Variants in ZNF529 observed in about 807,000 individuals in gnomAD.
ZNF529 encodes the protein zinc finger protein 529.
Under a neutral mutation model 10.1 loss-of-function variants are expected in ZNF529, and 11 were observed. That is an observed-to-expected ratio of 1.09 (90% CI 0.69 to 1.81). ZNF529 has a LOEUF of 1.81. Ranked by LOEUF, ZNF529 falls within the 40% of genes most tolerant of loss-of-function variation. The probability of loss-of-function intolerance (pLI) is 0.00; values close to 1 mark genes in which losing one functional copy is unlikely to be tolerated. For synonymous variants in ZNF529, 204 were observed against 215.7 expected, an observed-to-expected ratio of 0.95 and a Z score of 0.47; for missense variants, 624 against 666.8, an observed-to-expected ratio of 0.94 and a Z score of 0.71.
At chr19:36,561,811 T>G (rs1020833646) in intron 2 of ZNF529, among the ~76,000 whole-genome samples, 2 of 152,254 alleles carry the variant, frequency 1.3e-5, no homozygotes, top group African/African-American at 4.8e-5. Flanking sequence ...CCAGTGTGTC[T>G]GGAACATGCG....
At chr19:36,584,257 A>T (rs539048813) in intron 2 of ZNF529, among the ~76,000 whole-genome samples, 3 of 152,172 alleles carry the variant, frequency 2.0e-5, no homozygotes, top group Non-Finnish European at 2.9e-5. Context: ...AAATAAAGAC[A>T]TTTTCAGACA....
At chr19:36,559,384 C>T (rs1419717119) in intron 2 of ZNF529, among the ~76,000 whole-genome samples, 1 of 152,264 alleles carries the variant, frequency 6.6e-6, no homozygotes, top group Non-Finnish European at 1.5e-5. Context: ...TCTCGGTTCA[C>T]TGCAACCTCC....
rs1165543671 is a variant in ZNF529, at chr19:36,546,885, C to G, written c.1673G>C (p.Gly558Ala). 3.7e-6 allele frequency: 6 copies of G among 1,609,988 alleles called. No individual in the cohort carries two copies. The African/African-American group carries it at 8.0e-5, about 22-fold the overall frequency. ...HLTCQPKIYTGEKSFD is the reference protein window; with the variant it reads ...HLTCQPKIYTAEKSFD ...TTTATTTCAGTCAAATGATTTCTCA[C>G]CAGTGTAAATTTTCGGTTGGCAAGT... The change falls in exon 5 of 5, where the codon GGT becomes GCT. Residue 558 changes from glycine (G) to alanine (A), a missense_variant. Transcript: ENST00000591340.
chr19:36,578,253 A>T (rs1440655903), upstream of ZNF529, among the ~76,000 whole-genome samples: 2 of 123,626 alleles, frequency 1.6e-5, no homozygotes, highest in East Asian at 5.2e-4. Context: ...TTTAGTAGAG[A>T]CGAGGTTTCA....
intron 2 of ZNF529, among the ~76,000 whole-genome samples, chr19:36,562,957 C>A (rs1041993896): frequency 6.6e-6 from 1 of 152,170 alleles, no homozygotes; most frequent in South Asian, 2.1e-4. Flanking sequence ...CCCTTTTGCA[C>A]GTGAGGACAC....
chr19:36,551,939 C>A (rs996716727), intron 4 of ZNF529: 6 of 152,134 alleles, frequency 3.9e-5, no homozygotes, highest in Admixed American at 3.9e-4. Context: ...CTGTATTGGT[C>A]TTGGTCACCA....
At chr19:36,554,550 C>T (rs3760826) in intron 4 of ZNF529, 120 bp downstream of exon 4, 181,506 of 852,056 alleles carry the variant, frequency 0.21, 19,541 homozygotes, top group Middle Eastern at 0.24. Context: ...TGCACTCCAA[C>T]CTGGGTGACA....
chr19:36,562,132 G>A (rs1313681998), intron 2 of ZNF529, among the ~76,000 whole-genome samples: 1 of 152,140 alleles, frequency 6.6e-6, no homozygotes, highest in African/African-American at 2.4e-5. Flanking sequence ...CAGCTACTCG[G>A]GAGGCTGAGG....
chr19:36,556,077 CAAAGA>C, intron 3 of ZNF529, 22 bp downstream of exon 3: 1 of 1,547,832 alleles, frequency 6.5e-7, no homozygotes, highest in South Asian at 1.2e-5. Context: ...GGAAATATCA[CAAAGA>C]AAAGAGAAGT....
At chr19:36,594,032 C>A (rs1249157074) in intron 1 of ZNF529, 1 of 152,168 alleles carries the variant, frequency 6.6e-6, no homozygotes, top group Non-Finnish European at 1.5e-5. Context: ...AAAGTAGGGT[C>A]CAGACAGCAA....
intron 4 of ZNF529, among the ~76,000 whole-genome samples, chr19:36,551,164 A>C (rs1036313173): frequency 2.0e-5 from 3 of 152,208 alleles, no homozygotes; most frequent in Non-Finnish European, 4.4e-5. Context: ...GCGGGAGCTA[A>C]AGTGCCACCA....
intron 1 of ZNF529, among the ~76,000 whole-genome samples, chr19:36,597,612 T>C (rs961668584): frequency 6.6e-6 from 1 of 152,196 alleles, no homozygotes; most frequent in Non-Finnish European, 1.5e-5. Flanking sequence ...TTAATACTTA[T>C]GTGCATGTCT....
chr19:36,571,664 A>C (rs2036116642), intron 2 of ZNF529, among the ~76,000 whole-genome samples: 1 of 131,610 alleles, frequency 7.6e-6, no homozygotes, highest in Admixed American at 7.7e-5. Flanking sequence ...AATAACAGTG[A>C]AACTCTGTCT....
At chr19:36,559,966 CAAAG>C (rs2035618827) in intron 2 of ZNF529, among the ~76,000 whole-genome samples, 1 of 151,950 alleles carries the variant, frequency 6.6e-6, no homozygotes, top group Admixed American at 6.6e-5. Flanking sequence ...TAAGAAAAAA[CAAAG>C]AGAAGTGGCC....
upstream of ZNF529, chr19:36,578,058 GA>G (rs2036369392): frequency 9.1e-6 from 1 of 110,470 alleles, no homozygotes; most frequent in Admixed American, 8.9e-5. Context: ...GTGTGGGGGA[GA>G]TTTTTTTTTT....
At chr19:36,591,593 C>T (rs984800751) in intron 1 of ZNF529, among the ~76,000 whole-genome samples, 6 of 150,304 alleles carry the variant, frequency 4.0e-5, no homozygotes, top group Admixed American at 2.0e-4. Flanking sequence ...TGGTGGTGGG[C>T]GCCTGCCTGT....
intron 2 of ZNF529, among the ~76,000 whole-genome samples, chr19:36,563,242 A>G (rs2035776633): frequency 6.6e-6 from 1 of 152,058 alleles, no homozygotes. Context: ...CAACACAGTG[A>G]AACCCTGTCT....
At chr19:36,576,588 G>C (rs184368288), upstream of ZNF529, among the ~76,000 whole-genome samples, 1 of 151,928 alleles carries the variant, frequency 6.6e-6, no homozygotes, top group African/African-American at 2.4e-5. Context: ...GTAGTGGCCC[G>C]CACCTGTAGT....
At chr19:36,578,963 T>TGGGGAGGCCGAGGC (rs2036402956) in intron 2 of ZNF529, among the ~76,000 whole-genome samples, 1 of 148,962 alleles carries the variant, frequency 6.7e-6, no homozygotes, top group Non-Finnish European at 1.5e-5. Context: ...TCCCAGCACT[T>TGGGGAGGCCGAGGC]GGGGAGGCCG....
Sources: allele counts gnomAD v4.1 joint callset (sites outside exome capture counted in the v4.1 genomes callset), GRCh38; gene constraint gnomAD v4.1.1; transcripts MANE v1.5; gene names NCBI Gene and HGNC (gene_info 2026-07-23, HGNC 2026-07-21).